The following LMNB2 variants were observed in gnomAD, a reference collection of about 807,000 sequenced individuals.
LMNB2 encodes lamin-B2.
Under a neutral mutation model 69.3 loss-of-function variants are expected in LMNB2, and 17 were observed. That is an observed-to-expected ratio of 0.25 (90% CI 0.17 to 0.37). The LOEUF (loss-of-function observed/expected upper bound fraction) is 0.37. Ranked by LOEUF, LMNB2 falls within the 10% of genes least tolerant of loss-of-function variation. The probability of loss-of-function intolerance (pLI) is 1.00; values close to 1 mark genes in which losing one functional copy is unlikely to be tolerated. For synonymous variants in LMNB2, 397 were observed against 389.3 expected (o/e 1.02, Z -0.23); for missense variants, 789 against 883.6 (o/e 0.89, Z 1.36).
At chr19:2,450,119 C>T (rs923281144) in intron 1 of LMNB2, among the ~76,000 whole-genome samples, 6 of 135,336 alleles carry the variant, frequency 4.4e-5, no homozygotes, top group East Asian at 2.0e-4. Flanking sequence ...TATATATATA[C>T]ACATATATAT....
chr19:2,437,611 G>A (rs572189465), intron 4 of LMNB2, among the ~76,000 whole-genome samples: 1 of 152,166 alleles, frequency 6.6e-6, no homozygotes, highest in Non-Finnish European at 1.5e-5. Context: ...GACCAGCCTG[G>A]CCAACGTGGT....
intron 8 of LMNB2, 122 bp downstream of exon 8, chr19:2,433,704 C>T: frequency 7.9e-7 from 1 of 1,269,250 alleles, no homozygotes; most frequent in Non-Finnish European, 1.1e-6. Context: ...CCCCCATGCC[C>T]CGGTCATTCC....
At chr19:2,437,327 C>T (rs1003275131) in intron 4 of LMNB2, among the ~76,000 whole-genome samples, 2 of 152,246 alleles carry the variant, frequency 1.3e-5, no homozygotes, top group African/African-American at 4.8e-5. Flanking sequence ...CGGGCCTCAC[C>T]CTCGCTTTGG....
At position 2,431,620 on chromosome 19, in the gene LMNB2, C is replaced by T. The variant is rs139812127; in HGVS notation, c.1749G>A (p.Met583Ile). ...CTTCCTCCCCATTCTCATTCTCACG[C>T]ATCACCGAGGACTTCTTCACAGTCC... ...AMRTVKKSSV[M>I]RENENGEEEE... is the part of the protein sequence containing the mutation. The change falls in exon 11 of 12, where the codon ATG (methionine) becomes ATA (isoleucine). Residue 583 changes from methionine to isoleucine, a missense_variant. Met to Ile is a conservative substitution (Grantham distance 10). Around this residue, in one of 3 missense-constraint regions of LMNB2, gnomAD observed 609 missense variants for 630.9 expected, o/e 0.97. Coordinates refer to ENST00000325327, the MANE Select transcript of LMNB2 (RefSeq NM_032737.4). 1.1e-5 allele frequency: 18 copies of T among 1,614,190 alleles called. No homozygotes were observed. In the African/African-American group the frequency reaches 1.6e-4, roughly 14 times the overall value.
rs1971701333 is a variant in LMNB2, at chr19:2,429,263, T to C, written c.*1648A>G. The C allele has an allele frequency of 6.6e-6, 1 of 152,200 alleles. No individual in the cohort carries two copies. Among genetic ancestry groups the C allele is most frequent in the Non-Finnish European group, 1.5e-5 (1 of 68,028 alleles). The allele number at this position is 152,200 out of a possible 1,614,324, so 9.4% of individuals were successfully genotyped here. A position where few individuals can be genotyped will look rare whatever the true frequency, so the allele number is the denominator to read the frequency against. ...AAGAGGACACAGTCTGTCGCCAGCA[T>C]TCCCACTTCCAGCGGCTGGCAGAGG... On this transcript the variant is annotated 3_prime_UTR_variant, in exon 12 of 12. Coordinates refer to ENST00000325327, the MANE Select transcript of LMNB2 (RefSeq NM_032737.4).
At chr19:2,451,919 G>C (rs1972026412) in intron 1 of LMNB2, among the ~76,000 whole-genome samples, 2 of 151,718 alleles carry the variant, frequency 1.3e-5, no homozygotes, top group African/African-American at 4.8e-5. Context: ...TGAGCAGCCA[G>C]GGGACACCGG....
chr19:2,444,647 G>A (rs530904783), intron 1 of LMNB2, 107 bp from the exon 2 acceptor site: 15 of 1,434,848 alleles, frequency 1.0e-5, no homozygotes, highest in African/African-American at 2.8e-5. Context: ...GGACTGGCAC[G>A]CAGAGAGAGA....
rs755832231 is a variant in LMNB2, at chr19:2,444,417, C to T, written c.388G>A (p.Glu130Lys). 11 of 1,613,722 alleles carry T rather than the reference C, an allele frequency of 6.8e-6. No homozygotes were observed. Among genetic ancestry groups the T allele is most frequent in the East Asian group, 2.2e-5 (1 of 44,892 alleles). The change falls in exon 2 of 12, where the codon GAG (glutamate) becomes AAG (lysine). Residue 130 changes from glutamate (E) to lysine (K), a missense_variant. By Grantham distance (56) the Glu-to-Lys change is moderately conservative. Around this residue, in one of 3 missense-constraint regions of LMNB2, gnomAD observed 145 missense variants for 228.9 expected, o/e 0.63. Coordinates refer to ENST00000325327, the MANE Select transcript of LMNB2 (RefSeq NM_032737.4). ...GTGACCACTCACCTCTTGTTGACCT[C>T]GTCCAACTCTGCCCTCAGCTTCCCA... Reference protein sequence around the residue: ...EIGKLRAELDEVNKSAKKREG... With the variant: ...EIGKLRAELDKVNKSAKKREG...
intron 1 of LMNB2, among the ~76,000 whole-genome samples, chr19:2,444,858 G>A (rs541750552): frequency 3.9e-5 from 6 of 152,294 alleles, no homozygotes; most frequent in African/African-American, 9.6e-5. Context: ...CCAGAACAGC[G>A]GCGCCCAGTG....
intron 1 of LMNB2, 79 bp downstream of exon 1, chr19:2,456,591 G>A (rs1464302725): frequency 4.6e-6 from 6 of 1,294,404 alleles, no homozygotes; most frequent in East Asian, 3.5e-5. Flanking sequence ...CCCGCCCAGG[G>A]TCCCCGCGAT....
rs942693948 is a variant in LMNB2 at position 2,429,969 on chromosome 19, G to C, written c.*942C>G. 4.6e-5 allele frequency: 7 copies of C among 152,266 alleles called. No homozygotes were observed. The highest frequency in any genetic ancestry group is 1.0e-4 in the Non-Finnish European group (7 of 68,082). The allele number at this position is 152,266 out of a possible 1,614,324, so 9.4% of individuals were successfully genotyped here. On this transcript the variant is annotated 3_prime_UTR_variant, in exon 12 of 12. Transcript: ENST00000325327. ...CGAGAAAATCACAGATAAAAGCACAGTATGGATAGACGCATGTGTATATAT... is the reference window on the plus strand; with the variant it reads ...CGAGAAAATCACAGATAAAAGCACACTATGGATAGACGCATGTGTATATAT...
At chr19:2,439,500 T>C (rs58189357) in intron 2 of LMNB2, among the ~76,000 whole-genome samples, 56,345 of 151,976 alleles carry the variant, frequency 0.37, 11,287 homozygotes, top group African/African-American at 0.54. Flanking sequence ...GACCAGGAGC[T>C]TCTTGCTGCC....
intron 5 of LMNB2, 33 bp from the exon 6 acceptor site, chr19:2,434,946 G>A (rs772537969): frequency 2.1e-5 from 34 of 1,582,986 alleles, no homozygotes; most frequent in Admixed American, 5.3e-5. Context: ...GTGCGGGCGC[G>A]GGGCGGGGCG....
intron 11 of LMNB2, 32 bp from the exon 12 acceptor site, chr19:2,430,984 G>C: frequency 6.4e-7 from 1 of 1,556,112 alleles, no homozygotes; most frequent in Non-Finnish European, 8.9e-7. Flanking sequence ...GGTCGGCCAT[G>C]ATCAGGGCCA....
At chr19:2,449,197 C>A (rs1443367100) in intron 1 of LMNB2, among the ~76,000 whole-genome samples, 13 of 152,230 alleles carry the variant, frequency 8.5e-5, no homozygotes, top group Admixed American at 8.5e-4. Context: ...GCACCCAGCC[C>A]TTTCTCGTGT....
chr19:2,454,812 G>A (rs937661808), intron 1 of LMNB2, among the ~76,000 whole-genome samples: 2 of 152,110 alleles, frequency 1.3e-5, no homozygotes, highest in Non-Finnish European at 2.9e-5. Context: ...GGCATGGCCA[G>A]TGGGAGGGAC....
chr19:2,450,117 T>C (rs76170102), intron 1 of LMNB2, among the ~76,000 whole-genome samples: 16 of 145,436 alleles, frequency 1.1e-4, no homozygotes, highest in East Asian at 4.5e-4. Context: ...CATATATATA[T>C]ACACATATAT....
intron 1 of LMNB2, among the ~76,000 whole-genome samples, chr19:2,449,303 A>C (rs569935926): frequency 1.3e-5 from 2 of 152,308 alleles, no homozygotes; most frequent in South Asian, 4.1e-4. Flanking sequence ...GGCCACGCCC[A>C]AGCCTGGGTG....
intron 6 of LMNB2, 87 bp from the exon 7 acceptor site, chr19:2,434,602 A>C: frequency 6.6e-7 from 1 of 1,522,010 alleles, no homozygotes; most frequent in Non-Finnish European, 8.9e-7. Context: ...ATGGGCCCTC[A>C]CCACAGACTG....
Sources: gnomAD v4.1 joint callset for allele counts (sites outside exome capture counted in the v4.1 genomes callset) on GRCh38, gnomAD v4.1.1 for gene constraint, gnomAD v4.1.1 regional missense constraint, MANE v1.5 for transcripts, NCBI Gene and HGNC (gene_info 2026-07-23, HGNC 2026-07-21) for gene names.